Variants in PXDNL observed in about 807,000 individuals in gnomAD.
PXDNL encodes the protein peroxidasin like.
PXDNL carries 145 observed loss-of-function variants against 150.8 expected under a neutral mutation model. The observed-to-expected ratio is 0.96, with a 90% confidence interval of 0.84 to 1.10. The LOEUF is 1.10. Ranked by LOEUF, PXDNL falls within the 50% of genes least tolerant of loss-of-function variation. The pLI, the probability that PXDNL is intolerant of heterozygous loss-of-function variation, is 0.00. For missense variants in PXDNL, 2,087 were observed against 1,873.9 expected (o/e 1.11, Z -2.10); for synonymous variants, 757 against 725.7 (o/e 1.04, Z -0.69).
Position 51,438,450 on chromosome 8 carries a change from T to C in PXDNL, c.1525+8554A>G, listed in dbSNP as rs549772042. 3.3e-5 allele frequency among the ~76,000 whole-genome samples: 5 copies of C among 152,246 alleles called. No individual in the cohort carries two copies. In the East Asian group the frequency reaches 7.7e-4, roughly 24 times the overall value. On this transcript the variant is annotated intron_variant, in intron 12 of 22. Transcript: ENST00000356297. ...CATAGTCACCAATAAAGCATGGAAC[T>C]GTTATAAAAATAGGCACATATTTGG...
At chr8:51,672,548 G>A (rs1288265847) in intron 1 of PXDNL, among the ~76,000 whole-genome samples, 1 of 152,112 alleles carries the variant, frequency 6.6e-6, no homozygotes, top group African/African-American at 2.4e-5. Flanking sequence ...CAAATAACCT[G>A]AAGCTCTTGG....
intron 1 of PXDNL, among the ~76,000 whole-genome samples, chr8:51,751,295 C>T (rs1350351732): frequency 6.6e-6 from 1 of 152,142 alleles, no homozygotes; most frequent in African/African-American, 2.4e-5. Context: ...ACTCTATTGA[C>T]ATATATCACT....
chr8:51,353,458 A>C (rs1022593843), intron 19 of PXDNL, among the ~76,000 whole-genome samples: 4 of 151,980 alleles, frequency 2.6e-5, no homozygotes, highest in African/African-American at 9.7e-5. Flanking sequence ...ATAATGTTGT[A>C]ATTAATATTT....
intron 5 of PXDNL, among the ~76,000 whole-genome samples, chr8:51,498,371 T>C (rs1455635873): frequency 6.6e-6 from 1 of 151,984 alleles, no homozygotes; most frequent in African/African-American, 2.4e-5. Context: ...ACATGGCACA[T>C]GTATACATAT....
At chr8:51,486,228 T>C (rs1810731995) in intron 5 of PXDNL, among the ~76,000 whole-genome samples, 1 of 152,172 alleles carries the variant, frequency 6.6e-6, no homozygotes, top group Admixed American at 6.5e-5. Context: ...AAAAGAAAAG[T>C]AAAACATTTC....
intron 2 of PXDNL, among the ~76,000 whole-genome samples, chr8:51,621,332 A>G: frequency 6.6e-6 from 1 of 152,180 alleles, no homozygotes; most frequent in East Asian, 1.9e-4. Flanking sequence ...GTATTCTAAA[A>G]CTATAGAGCA....
At chr8:51,473,274 A>AACACACACGCAC (rs1810388834) in intron 7 of PXDNL, among the ~76,000 whole-genome samples, 1 of 133,940 alleles carries the variant, frequency 7.5e-6, no homozygotes, top group Non-Finnish European at 1.6e-5. Context: ...GTAGAAAATA[A>AACACACACGCAC]ACACACACAC....
Position 51,735,534 on chromosome 8 carries a change from T to G in PXDNL, c.164+73647A>C, listed in dbSNP as rs796447193. 8.4e-4 allele frequency among the ~76,000 whole-genome samples: 39 copies of G among 46,164 alleles called. 2 individuals carry two copies. The East Asian group carries it at 0.02, about 24-fold the overall frequency. 30.3% of individuals were successfully genotyped at this position (46,164 alleles called of 152,430 possible). A position where few individuals can be genotyped will look rare whatever the true frequency, so the allele number is the denominator to read the frequency against. On this transcript the variant is annotated intron_variant, in intron 1 of 22. Coordinates refer to ENST00000356297, the MANE Select transcript of PXDNL (RefSeq NM_144651.5). ...TTAATTAATTAAAAATTGTTTTTTT[T>G]TTTTTTTTTTTTTTTTTTTTTTTTT...
intron 10 of PXDNL, 61 bp downstream of exon 10, chr8:51,453,457 GA>G (rs1809853624): frequency 6.5e-7 from 1 of 1,527,356 alleles, no homozygotes; most frequent in Admixed American, 1.7e-5. Flanking sequence ...TATTTAAGTT[GA>G]AAAATAATTT....
chr8:51,706,024 G>A (rs1249952234), intron 1 of PXDNL, among the ~76,000 whole-genome samples: 1 of 152,212 alleles, frequency 6.6e-6, no homozygotes, highest in Non-Finnish European at 1.5e-5. Context: ...AAATAGCTAA[G>A]ACTTGGCGGG....
intron 17 of PXDNL, among the ~76,000 whole-genome samples, chr8:51,376,848 A>T (rs1374706320): frequency 4.0e-5 from 6 of 151,438 alleles, no homozygotes; most frequent in Non-Finnish European, 2.9e-5. Flanking sequence ...CCTCCCGAGT[A>T]GCTGGGACTA....
chr8:51,738,940 AAG>A (rs199902927), intron 1 of PXDNL, among the ~76,000 whole-genome samples: 5,100 of 151,920 alleles, frequency 0.034, 259 homozygotes, highest in African/African-American at 0.11. Flanking sequence ...TACAAAAAAA[AAG>A]AAAACTACAC....
chr8:51,364,229 A>G (rs950916651), intron 19 of PXDNL, among the ~76,000 whole-genome samples: 2 of 152,206 alleles, frequency 1.3e-5, no homozygotes, highest in Non-Finnish European at 2.9e-5. Context: ...TAGAACCTGA[A>G]GACTGAATTT....
chr8:51,544,827 T>A (rs116402975), intron 4 of PXDNL, among the ~76,000 whole-genome samples: 1 of 152,182 alleles, frequency 6.6e-6, no homozygotes, highest in Non-Finnish European at 1.5e-5. Context: ...AAAGATCTAT[T>A]ATTTATCTCT....
intron 14 of PXDNL, among the ~76,000 whole-genome samples, chr8:51,422,106 T>C (rs1271378757): frequency 6.6e-6 from 1 of 152,044 alleles, no homozygotes; most frequent in South Asian, 2.1e-4. Context: ...GCACTCCTTA[T>C]GAGAATCTAA....
intron 12 of PXDNL, among the ~76,000 whole-genome samples, chr8:51,439,380 C>A (rs992377340): frequency 2.0e-5 from 3 of 152,052 alleles, no homozygotes; most frequent in Non-Finnish European, 2.9e-5. Context: ...TGTGATACCA[C>A]CTTACTCCTG....
At chr8:51,361,961 A>AAAAAG (rs1563374217) in intron 19 of PXDNL, among the ~76,000 whole-genome samples, 12 of 148,076 alleles carry the variant, frequency 8.1e-5, no homozygotes, top group Non-Finnish European at 1.2e-4. Flanking sequence ...AAAAAAAAAA[A>AAAAAG]AAAAGAAAAG....
chr8:51,567,447 GT>G (rs1482845566), intron 3 of PXDNL, among the ~76,000 whole-genome samples: 6 of 151,806 alleles, frequency 4.0e-5, no homozygotes, highest in African/African-American at 1.4e-4. Context: ...ATATTTTGCT[GT>G]TAGGTGCACA....
chr8:51,413,359 A>T, intron 14 of PXDNL, 101 bp from the exon 15 acceptor site: 1 of 676,934 alleles, frequency 1.5e-6, no homozygotes, highest in Non-Finnish European at 2.6e-6. Context: ...ATGCCATTAC[A>T]TTTAAAACCT....
Sources: gnomAD v4.1 joint callset for allele counts (sites outside exome capture counted in the v4.1 genomes callset) on GRCh38, gnomAD v4.1.1 for gene constraint, MANE v1.5 for transcripts, NCBI Gene and HGNC (gene_info 2026-07-23, HGNC 2026-07-21) for gene names.